RFX1: variants seen among roughly 807,000 people sequenced by gnomAD.
The protein encoded by RFX1 is regulatory factor X1, also known as MHC class II regulatory factor RFX1.
A neutral mutation model predicts 119.6 loss-of-function variants in RFX1; 42 were observed. The ratio of observed to expected loss-of-function variants is 0.35; its 90% CI spans 0.27 to 0.45. The LOEUF (loss-of-function observed/expected upper bound fraction) is 0.45, where lower values mean the gene tolerates loss of function less well. Ranked by LOEUF, RFX1 falls within the 20% of genes least tolerant of loss-of-function variation. RFX1 has a pLI of 1.00. For missense variants in RFX1, 1,118 were observed against 1,368.1 expected, an observed-to-expected ratio of 0.82 and a Z score of 2.88; for synonymous variants, 628 against 618.5, an observed-to-expected ratio of 1.02 and a Z score of -0.23.
chr19:13,984,834 TGTTA>T (rs1974543441), intron 2 of RFX1, among the ~76,000 whole-genome samples: 1 of 152,184 alleles, frequency 6.6e-6, no homozygotes, highest in African/African-American at 2.4e-5. Context: ...CTAGGTGTTA[TGTTA>T]GACTCTGGAC....
At position 13,985,658 on chromosome 19, in the gene RFX1, G is replaced by GC. The variant is rs1974567502; in HGVS notation, c.320-2064dup. Among the ~76,000 whole-genome samples the GC allele has an allele frequency of 6.6e-6, 1 of 152,242 alleles. No homozygotes were observed. Among genetic ancestry groups the GC allele is most frequent in the Admixed American group, 6.5e-5 (1 of 15,286 alleles). ...GAGTCACTGGTTCTGCCTGGGCTGC[G>GC]CCCCAAGGGCAGTGATGTGTGAACT... is the stretch of plus-strand genomic sequence containing the variant. On this transcript the variant is annotated intron_variant, in intron 2 of 20. Coordinates refer to ENST00000254325, the MANE Select transcript of RFX1 (RefSeq NM_002918.5). The surrounding 1 kb of genome is among the most constrained non-coding windows in gnomAD (Gnocchi z 4.3).
At chr19:13,994,988 T>C (rs1278551728) in intron 1 of RFX1, among the ~76,000 whole-genome samples, 2 of 142,872 alleles carry the variant, frequency 1.4e-5, no homozygotes, top group Non-Finnish European at 3.0e-5. Context: ...AGTCTGGTCT[T>C]GAACTCCTGG....
In RFX1 at chr19:13,972,727, G is replaced by A. The variant is rs772916460; in HGVS notation, c.1314+16C>T. On this transcript the variant is annotated intron_variant, in intron 9 of 20. Transcript: ENST00000254325. ...CCACTGCCTGCCTCCTCTGGGGCCC[G>A]CGTTGGGGCACTTACCGTGGCTGGC... 42 of 1,574,472 alleles carry A rather than the reference G, an allele frequency of 2.7e-5. No individual in the cohort carries two copies. Among genetic ancestry groups the A allele is most frequent in the Middle Eastern group, 3.8e-4 (2 of 5,268 alleles).
chr19:14,002,641 C>T (rs1402795360), intron 1 of RFX1, among the ~76,000 whole-genome samples: 4 of 152,050 alleles, frequency 2.6e-5, no homozygotes, highest in Admixed American at 1.3e-4. Flanking sequence ...CTGCTGAGAC[C>T]GTGTGAGAAA....
intron 8 of RFX1, among the ~76,000 whole-genome samples, chr19:13,977,778 G>T (rs1168174261): frequency 6.6e-6 from 1 of 150,616 alleles, no homozygotes; most frequent in African/African-American, 2.5e-5. Flanking sequence ...AAGCTATGCC[G>T]GGGTGCCTTT....
At chr19:13,978,247 C>G (rs1974313633) in intron 7 of RFX1, among the ~76,000 whole-genome samples, 161 bp from the exon 8 acceptor site, 1 of 152,172 alleles carries the variant, frequency 6.6e-6, no homozygotes, top group African/African-American at 2.4e-5. Context: ...GAGGCCAGGG[C>G]TGGGAATCAG....
intron 1 of RFX1, among the ~76,000 whole-genome samples, chr19:14,005,506 C>G (rs1975341647): frequency 6.6e-6 from 1 of 152,168 alleles, no homozygotes; most frequent in African/African-American, 2.4e-5. Context: ...AATGAGGAGT[C>G]CCGGTACTGC....
At position 13,980,717 on chromosome 19, in the gene RFX1, C is replaced by T. The variant is rs374279690; in HGVS notation, c.622-28G>A. Reference sequence around the variant, plus strand: ...GTAAGGGAAGGAGACACAGGAGTGCCGCTGGGGTGGGCTTGCATCCTCTCT... The same window carrying T: ...GTAAGGGAAGGAGACACAGGAGTGCTGCTGGGGTGGGCTTGCATCCTCTCT... On this transcript the variant is annotated intron_variant, in intron 5 of 20. Transcript: ENST00000254325. This position sits in a 1 kb window ranked among gnomAD's most constrained non-coding sequence, Gnocchi z 5.1. 989 of 1,535,916 alleles carry T rather than the reference C, an allele frequency of 6.4e-4. 1 individual carries two copies. The highest frequency in any genetic ancestry group is 7.9e-4 in the Non-Finnish European group (893 of 1,125,742).
At chr19:13,976,952 C>T (rs1255598084) in intron 8 of RFX1, among the ~76,000 whole-genome samples, 2 of 151,062 alleles carry the variant, frequency 1.3e-5, no homozygotes, top group South Asian at 2.1e-4. Context: ...GCCCTGATCG[C>T]GCCACTGCTC....
In RFX1 at chr19:13,996,070, G is replaced by C. The variant is rs78991772; in HGVS notation, c.-52-2175C>G. 2.1e-3 allele frequency among the ~76,000 whole-genome samples: 323 copies of C among 152,134 alleles called. 1 individual carries two copies. Among genetic ancestry groups the C allele is most frequent in the African/African-American group, 7.4e-3 (308 of 41,516 alleles). On this transcript the variant is annotated intron_variant, in intron 1 of 20. Coordinates refer to ENST00000254325, the MANE Select transcript of RFX1 (RefSeq NM_002918.5). ...AAAACAAAAGGAAAGAACAGGGCAG[G>C]CCTGGCTGTTAAAGGGTGTGTTCCT...
In RFX1 at chr19:13,993,778, C is replaced by G. The variant is rs748274780; in HGVS notation, c.66G>C (p.Pro22=). The G allele has an allele frequency of 6.5e-7, 1 of 1,550,356 alleles. No individual in the cohort carries two copies. Among genetic ancestry groups the G allele is most frequent in the African/African-American group, 1.4e-5 (1 of 71,116 alleles). Residue 22 remains proline, a synonymous_variant, in exon 2 of 21, where the codon CCG becomes CCC. Coordinates refer to ENST00000254325, the MANE Select transcript of RFX1 (RefSeq NM_002918.5). The part of the protein sequence containing the change: ...APPPSQPPQA[P]PQAQPQPPPP... The stretch of plus-strand genomic sequence containing the variant: ...GTGGCGGCTGGGGCTGGGCTTGTGG[C>G]GGGGCCTGTGGCGGCTGGGATGGTG...
intron 2 of RFX1, 39 bp downstream of exon 2, chr19:13,993,486 C>G: frequency 6.3e-7 from 1 of 1,581,220 alleles, no homozygotes; most frequent in Non-Finnish European, 8.6e-7. Context: ...CTGAACAACT[C>G]TGAGAGGAGT....
chr19:13,994,347 A>C (rs1000346766), intron 1 of RFX1, among the ~76,000 whole-genome samples: 1 of 152,128 alleles, frequency 6.6e-6, no homozygotes, highest in African/African-American at 2.4e-5. Context: ...GAGGACCCCA[A>C]GTGGGCACTT....
intron 8 of RFX1, among the ~76,000 whole-genome samples, chr19:13,976,911 G>A (rs1051856072): frequency 6.6e-5 from 10 of 152,076 alleles, no homozygotes; most frequent in African/African-American, 2.4e-4. Context: ...GCTGAGGTAA[G>A]AGGATTGCTT....
rs1338087299 is a variant in RFX1, at chr19:13,990,470, C to T, written c.319+3055G>A. 6.6e-6 allele frequency among the ~76,000 whole-genome samples: 1 copy of T among 151,382 alleles called. No homozygotes were observed. The highest frequency in any genetic ancestry group is 1.5e-5 in the Non-Finnish European group (1 of 67,876). On this transcript the variant is annotated intron_variant, in intron 2 of 20. Transcript: ENST00000254325. This position sits in a 1 kb window ranked among gnomAD's most constrained non-coding sequence, Gnocchi z 4.1. ...CTGAAGTGGGAGAATTGTTTGAGGCCAGGAGTTCAAGACCAGCCTGGGCAA... is the reference window on the plus strand; with the variant it reads ...CTGAAGTGGGAGAATTGTTTGAGGCTAGGAGTTCAAGACCAGCCTGGGCAA...
chr19:13,990,166 T>C lies in RFX1; in HGVS notation c.319+3359A>G, dbSNP rs1311813319. Among the ~76,000 whole-genome samples, 1 of 152,116 alleles carries C rather than the reference T, an allele frequency of 6.6e-6. No individual in the cohort carries two copies. The highest frequency in any genetic ancestry group is 1.9e-4 in the East Asian group (1 of 5,156). ...GATGAGGCCATCGTTAAGGGAGAAC[T>C]ACAGGAGCTAAGAGAGGTTCCCAGG... On this transcript the variant is annotated intron_variant, in intron 2 of 20. Coordinates refer to ENST00000254325, the MANE Select transcript of RFX1 (RefSeq NM_002918.5). This position sits in a 1 kb window ranked among gnomAD's most constrained non-coding sequence, Gnocchi z 4.1.
In RFX1 at chr19:13,993,688, G is replaced by A; in HGVS notation, c.156C>T (p.Pro52=). 1 of 1,586,646 alleles carries A rather than the reference G, an allele frequency of 6.3e-7. No homozygotes were observed. Among genetic ancestry groups the A allele is most frequent in the Non-Finnish European group, 8.6e-7 (1 of 1,165,984 alleles). Residue 52 remains proline (P), a synonymous_variant, in exon 2 of 21, where the codon CCC becomes CCT. Coordinates refer to ENST00000254325, the MANE Select transcript of RFX1 (RefSeq NM_002918.5). ...QPPTAAATPQ[P]QYVTELQSPQ... is the part of the protein sequence containing the mutation. ...GGCTCTGCAGCTCGGTGACATATTG[G>A]GGCTGAGGGGTGGCAGCAGCGGTGG...
rs1307439249 is a variant in RFX1 at position 13,983,285 on chromosome 19, C to T, written c.430-15G>A. The T allele has an allele frequency of 1.9e-6, 3 of 1,540,692 alleles. No individual in the cohort carries two copies. The highest frequency in any genetic ancestry group is 8.7e-7 in the Non-Finnish European group (1 of 1,147,134). On this transcript the variant is annotated splice_polypyrimidine_tract_variant and intron_variant, in intron 3 of 20. Coordinates refer to ENST00000254325, the MANE Select transcript of RFX1 (RefSeq NM_002918.5). Reference sequence around the variant, plus strand: ...ACCAGCAGCCGCTGTGGAGACAAGGCAGGAGGAGCTGAGCTGCCACTTCCC... The same window carrying T: ...ACCAGCAGCCGCTGTGGAGACAAGGTAGGAGGAGCTGAGCTGCCACTTCCC...
In RFX1 at chr19:13,962,023, G is replaced by A. The variant is rs1242012529; in HGVS notation, c.*672C>T. ...GGGTCTGTGGGCACTCCCCGGCTCCGCGGCTCGCTGCTCTTTGGAAGCTGG... is the reference window on the plus strand; with the variant it reads ...GGGTCTGTGGGCACTCCCCGGCTCCACGGCTCGCTGCTCTTTGGAAGCTGG... On this transcript the variant is annotated 3_prime_UTR_variant, in exon 21 of 21. Transcript: ENST00000254325. 1 of 152,262 alleles carries A rather than the reference G, an allele frequency of 6.6e-6. No homozygotes were observed. The highest frequency in any genetic ancestry group is 6.5e-5 in the Admixed American group (1 of 15,292). The allele number at this position is 152,262 out of a possible 1,614,324, so 9.4% of individuals were successfully genotyped here.
Sources: gnomAD v4.1 joint callset for allele counts (sites outside exome capture counted in the v4.1 genomes callset) on GRCh38, gnomAD v4.1.1 for gene constraint, Gnocchi (gnomAD v3.1) non-coding constraint, MANE v1.5 for transcripts, NCBI Gene and HGNC (gene_info 2026-07-23, HGNC 2026-07-21) for gene names.